The following CDH13 variants were observed in gnomAD, a reference collection of about 807,000 sequenced individuals.
CDH13 encodes the protein cadherin 13, also known as cadherin-13.
Under a neutral mutation model 63.8 loss-of-function variants are expected in CDH13, and 24 were observed. That is an observed-to-expected ratio of 0.38 (90% CI 0.27 to 0.53). The LOEUF is 0.53. Ranked by LOEUF, CDH13 falls within the 20% of genes least tolerant of loss-of-function variation. CDH13 has a pLI of 0.85. For missense variants in CDH13, 1,049 were observed against 903.1 expected (o/e 1.16, Z -2.07); for synonymous variants, 503 against 355.3 (o/e 1.42, Z -4.67).
chr16:83,772,073 C>T (rs552395744), intron 11 of CDH13, among the ~76,000 whole-genome samples: 30 of 152,250 alleles, frequency 2.0e-4, no homozygotes, highest in Middle Eastern at 6.8e-3. Context: ...TGGGGGGTGA[C>T]TTTTTAGCTT....
At chr16:83,150,296 TTC>T (rs1352000794) in intron 4 of CDH13, among the ~76,000 whole-genome samples, 1 of 151,772 alleles carries the variant, frequency 6.6e-6, no homozygotes, top group Non-Finnish European at 1.5e-5. Context: ...ACATCCCTAA[TTC>T]TCTCTCTCTC....
chr16:83,166,633 T>G (rs2037684277), intron 4 of CDH13, among the ~76,000 whole-genome samples: 1 of 152,154 alleles, frequency 6.6e-6, no homozygotes, highest in Admixed American at 6.6e-5. Flanking sequence ...TGCTCTTACC[T>G]GCCCCATTTC....
At position 83,678,601 on chromosome 16, in the gene CDH13, A is replaced by C. The variant is rs563247404; in HGVS notation, c.1538+140A>C. On this transcript the variant is annotated intron_variant, in intron 10 of 13. Transcript: ENST00000567109. ...TCTCAGCAAGTGGGAGGAAAGCGTC[A>C]TAGAGAGGAGGTTGTGGCTGACGGC... The C allele has an allele frequency of 8.9e-6, 10 of 1,122,442 alleles. No individual in the cohort carries two copies. In the African/African-American group the frequency reaches 1.2e-4, roughly 14 times the overall value. 69.5% of individuals were successfully genotyped at this position (1,122,442 alleles called of 1,614,324 possible).
chr16:82,970,561 G>A lies in CDH13; in HGVS notation c.158-61449G>A, dbSNP rs369886819. On this transcript the variant is annotated intron_variant, in intron 2 of 13. Coordinates refer to ENST00000567109, the MANE Select transcript of CDH13 (RefSeq NM_001257.5). ...ACTACAGGCGCCCGCCACCGCGCCC[G>A]GCTAATTTTTTGTATTTTTAGTAGA... 4.1e-3 allele frequency among the ~76,000 whole-genome samples: 509 copies of A among 125,038 alleles called. 28 individuals carry two copies. Among genetic ancestry groups the A allele is most frequent in the Middle Eastern group, 0.013 (3 of 228 alleles). The allele number at this position is 125,038 out of a possible 152,430, so 82.0% of individuals were successfully genotyped here.
chr16:82,644,364 C>A lies in CDH13; in HGVS notation c.45+17227C>A, dbSNP rs558082014. ...CTGCGTCTCCCTCTGTGCTCTCCAT[C>A]ACCCCCCTACGGAGTTCCTTTGATT... On this transcript the variant is annotated intron_variant, in intron 1 of 13. Coordinates refer to ENST00000567109, the MANE Select transcript of CDH13 (RefSeq NM_001257.5). This position sits in a 1 kb window ranked among gnomAD's most constrained non-coding sequence, Gnocchi z 5.7. Among the ~76,000 whole-genome samples the A allele has an allele frequency of 3.3e-5, 5 of 152,158 alleles. No homozygotes were observed. Among genetic ancestry groups the A allele is most frequent in the Non-Finnish European group, 5.9e-5 (4 of 68,030 alleles).
At chr16:83,559,193 A>G (rs374797106) in intron 7 of CDH13, among the ~76,000 whole-genome samples, 29 of 152,234 alleles carry the variant, frequency 1.9e-4, no homozygotes, top group African/African-American at 6.5e-4. Context: ...GGGTGAGGAT[A>G]GTGAATAATA....
chr16:83,292,434 C>A (rs1177665913), intron 5 of CDH13, among the ~76,000 whole-genome samples: 1 of 152,122 alleles, frequency 6.6e-6, no homozygotes, highest in Non-Finnish European at 1.5e-5. Context: ...TGCTAGCTGC[C>A]AAGAACTCTC....
chr16:83,021,311 A>G (rs1324635659), intron 2 of CDH13, among the ~76,000 whole-genome samples: 1 of 152,208 alleles, frequency 6.6e-6, no homozygotes, highest in African/African-American at 2.4e-5. Flanking sequence ...TGTGCTATAT[A>G]TAAAGTAATT....
At chr16:83,434,291 G>A (rs1290667752) in intron 6 of CDH13, among the ~76,000 whole-genome samples, 2 of 152,148 alleles carry the variant, frequency 1.3e-5, no homozygotes, top group Admixed American at 6.6e-5. Flanking sequence ...TGAGACCTGC[G>A]TTCTTGTCCT....
At chr16:83,320,604 C>G (rs1420059105) in intron 5 of CDH13, among the ~76,000 whole-genome samples, 1 of 152,168 alleles carries the variant, frequency 6.6e-6, no homozygotes, top group African/African-American at 2.4e-5. Flanking sequence ...ACCACTATTT[C>G]TACAAGAACA....
chr16:83,570,945 C>CTA (rs1567773697), intron 7 of CDH13, among the ~76,000 whole-genome samples: 1 of 41,282 alleles, frequency 2.4e-5, no homozygotes, highest in African/African-American at 7.5e-5. Context: ...TATAACTCAT[C>CTA]CATATATATA....
At chr16:83,727,088 G>C (rs1009798760) in intron 10 of CDH13, among the ~76,000 whole-genome samples, 10 of 152,068 alleles carry the variant, frequency 6.6e-5, no homozygotes, top group African/African-American at 2.2e-4. Context: ...TTTTAGTGTA[G>C]TCACAGAGTT....
chr16:83,560,606 A>C (rs1215747348), intron 7 of CDH13, among the ~76,000 whole-genome samples: 1 of 152,214 alleles, frequency 6.6e-6, no homozygotes, highest in African/African-American at 2.4e-5. Flanking sequence ...TTAGAGTTTC[A>C]CTTAACATTG....
chr16:82,928,188 G>C (rs1291106141), intron 2 of CDH13, among the ~76,000 whole-genome samples: 1 of 151,662 alleles, frequency 6.6e-6, no homozygotes. Flanking sequence ...GTGTGTGTGT[G>C]TATGCGTGTG....
rs1904288588 is a variant in CDH13 at position 83,797,620 on chromosome 16, A to G, written c.*2590A>G. 1 of 152,226 alleles carries G rather than the reference A, an allele frequency of 6.6e-6. No homozygotes were observed. The highest frequency in any genetic ancestry group is 2.4e-5 in the African/African-American group (1 of 41,464). The allele number at this position is 152,226 out of a possible 1,614,324, so 9.4% of individuals were successfully genotyped here. A position where few individuals can be genotyped will look rare whatever the true frequency, so the allele number is the denominator to read the frequency against. On this transcript the variant is annotated 3_prime_UTR_variant, in exon 14 of 14. Transcript: ENST00000567109. ...TTGTTCATTTGCTGGAATATATTAC[A>G]TTGTTTACTGAAAACCATAGTAGAA...
intron 7 of CDH13, among the ~76,000 whole-genome samples, chr16:83,503,398 C>G (rs560996007): frequency 6.6e-6 from 1 of 152,124 alleles, no homozygotes; most frequent in South Asian, 2.1e-4. Context: ...TAACAACACG[C>G]CACATCTACC....
intron 1 of CDH13, among the ~76,000 whole-genome samples, chr16:82,799,899 C>T (rs1442155266): frequency 2.0e-5 from 3 of 152,108 alleles, no homozygotes; most frequent in South Asian, 2.1e-4. Flanking sequence ...TTTTAGCTGT[C>T]AGAATTGGAC....
intron 2 of CDH13, among the ~76,000 whole-genome samples, chr16:83,025,910 A>T (rs2151462876): frequency 1.3e-5 from 2 of 152,238 alleles, no homozygotes; most frequent in South Asian, 4.1e-4. Flanking sequence ...GTGCACACAG[A>T]CCGCAACTCA....
chr16:83,770,582 A>G (rs1183310736), intron 11 of CDH13, among the ~76,000 whole-genome samples: 8 of 152,262 alleles, frequency 5.3e-5, no homozygotes, highest in Admixed American at 5.2e-4. Flanking sequence ...CCCCGTAGAC[A>G]GAGCAGCCCC....
Sources: allele counts gnomAD v4.1 joint callset (sites outside exome capture counted in the v4.1 genomes callset), GRCh38; gene constraint gnomAD v4.1.1; non-coding constraint Gnocchi (gnomAD v3.1); transcripts MANE v1.5; gene names NCBI Gene and HGNC (gene_info 2026-07-23, HGNC 2026-07-21).